WDPCP: variants seen among roughly 807,000 people sequenced by gnomAD.
WDPCP encodes WD repeat-containing and planar cell polarity effector protein fritz homolog.
WDPCP carries 71 observed loss-of-function variants against 93.1 expected under a neutral mutation model. That is an observed-to-expected ratio of 0.76 (90% CI 0.63 to 0.93). WDPCP has a LOEUF of 0.93. WDPCP is among the 40% of genes least tolerant of loss of function. WDPCP has a pLI of 0.00. For missense variants in WDPCP, 844 were observed against 887.4 expected, an observed-to-expected ratio of 0.95 and a Z score of 0.62; for synonymous variants, 315 against 315.0, an observed-to-expected ratio of 1.00 and a Z score of 0.00.
chr2:63,702,712 T>C (rs1392155812), intron 2 of WDPCP, among the ~76,000 whole-genome samples: 2 of 151,912 alleles, frequency 1.3e-5, no homozygotes, highest in Non-Finnish European at 2.9e-5. Context: ...TAATTTTTTT[T>C]TTTTTTTACT....
intron 1 of WDPCP, among the ~76,000 whole-genome samples, chr2:63,517,070 TA>T (rs1702601846): frequency 6.6e-6 from 1 of 152,200 alleles, no homozygotes; most frequent in Non-Finnish European, 1.5e-5. Context: ...CGTCTTCTTC[TA>T]AACTACATCC....
rs200735438 is a variant in WDPCP at position 63,426,040 on chromosome 2, T to A, written c.825+7705A>T. 6.6e-5 allele frequency among the ~76,000 whole-genome samples: 10 copies of A among 152,164 alleles called. No homozygotes were observed. In the East Asian group the frequency reaches 1.9e-3, roughly 30 times the overall value. ...TAGCAACAGACCTCTCAGCAGAAAC[T>A]TAAAAGGCAAAAGAGGAGGCCGGGC... On this transcript the variant is annotated intron_variant, in intron 9 of 17. Transcript: ENST00000272321.
intron 14 of WDPCP, among the ~76,000 whole-genome samples, chr2:63,197,799 C>G (rs1390511902): frequency 2.6e-5 from 4 of 152,170 alleles, no homozygotes; most frequent in Non-Finnish European, 5.9e-5. Context: ...TGCAAGACCT[C>G]CTTTTCTACC....
intron 12 of WDPCP, among the ~76,000 whole-genome samples, chr2:63,333,557 T>C (rs1688135825): frequency 6.6e-6 from 1 of 152,212 alleles, no homozygotes. Flanking sequence ...CAATCCTTTA[T>C]CTTAACCTGA....
At chr2:63,519,970 A>G (rs1702810386) in intron 1 of WDPCP, among the ~76,000 whole-genome samples, 1 of 152,236 alleles carries the variant, frequency 6.6e-6, no homozygotes, top group Non-Finnish European at 1.5e-5. Flanking sequence ...AACCCAATCC[A>G]AGGAGTATTA....
At chr2:63,837,276 G>A in the WDPCP span, among the ~76,000 whole-genome samples, 6 of 152,158 alleles carry the variant, frequency 3.9e-5, no homozygotes, top group African/African-American at 7.2e-5. Flanking sequence ...AGTTAAGCCC[G>A]TTTGGTTACC....
chr2:63,802,803 A>G (rs2104044718), intron 2 of WDPCP, among the ~76,000 whole-genome samples: 1 of 152,336 alleles, frequency 6.6e-6, no homozygotes. Flanking sequence ...AAGAGTTCTG[A>G]AGAATTCTAA....
At chr2:63,628,017 G>C (rs1709827467) in intron 3 of WDPCP, among the ~76,000 whole-genome samples, 1 of 152,142 alleles carries the variant, frequency 6.6e-6, no homozygotes, top group African/African-American at 2.4e-5. Context: ...GGGCTTTAGG[G>C]GTCATGGGTA....
intron 12 of WDPCP, among the ~76,000 whole-genome samples, chr2:63,367,529 C>A (rs1388281225): frequency 6.6e-6 from 1 of 152,038 alleles, no homozygotes; most frequent in Admixed American, 6.6e-5. Flanking sequence ...TATTGCAGCA[C>A]TGTTTATAGT....
chr2:63,535,678 G>A (rs1704220427), intron 1 of WDPCP, among the ~76,000 whole-genome samples: 2 of 152,138 alleles, frequency 1.3e-5, no homozygotes, highest in African/African-American at 4.8e-5. Flanking sequence ...GCTGAAACTG[G>A]ATCCCTTCCT....
intron 12 of WDPCP, among the ~76,000 whole-genome samples, chr2:63,342,717 T>C (rs1221887370): frequency 1.3e-5 from 2 of 152,224 alleles, no homozygotes; most frequent in African/African-American, 2.4e-5. Flanking sequence ...ACATAGGTTT[T>C]AATTATTGTT....
At chr2:63,754,040 A>G (rs1187190403) in intron 2 of WDPCP, among the ~76,000 whole-genome samples, 1 of 152,214 alleles carries the variant, frequency 6.6e-6, no homozygotes, top group Non-Finnish European at 1.5e-5. Context: ...GGTCTTAGGT[A>G]AAGTCTAGTC....
At chr2:63,621,812 T>G (rs950106456) in intron 3 of WDPCP, among the ~76,000 whole-genome samples, 2 of 151,756 alleles carry the variant, frequency 1.3e-5, no homozygotes, top group Non-Finnish European at 2.9e-5. Context: ...CCCATCAGAC[T>G]ACCAGTGGAT....
chr2:63,446,083 C>G (rs1037113120), intron 6 of WDPCP, among the ~76,000 whole-genome samples: 4 of 152,184 alleles, frequency 2.6e-5, no homozygotes, highest in Non-Finnish European at 5.9e-5. Context: ...CCTTAACTCT[C>G]ACTTCTCAGT....
intron 2 of WDPCP, among the ~76,000 whole-genome samples, chr2:63,683,635 G>A (rs1159253453): frequency 6.6e-6 from 1 of 152,132 alleles, no homozygotes; most frequent in Non-Finnish European, 1.5e-5. Flanking sequence ...GGTGGATCAA[G>A]GTCAAGAGAT....
chr2:63,187,348 T>C (rs1455993146), intron 14 of WDPCP, among the ~76,000 whole-genome samples: 2 of 152,210 alleles, frequency 1.3e-5, no homozygotes, highest in East Asian at 1.9e-4. Context: ...AGGGGTTTAA[T>C]TGCCTCACTT....
intron 3 of WDPCP, among the ~76,000 whole-genome samples, chr2:63,634,316 T>A (rs1709899261): frequency 6.6e-6 from 1 of 152,074 alleles, no homozygotes; most frequent in South Asian, 2.1e-4. Flanking sequence ...GGTCAATTCA[T>A]CAAGAGGATA....
At chr2:63,250,406 T>C (rs1054675235) in intron 14 of WDPCP, among the ~76,000 whole-genome samples, 1 of 152,190 alleles carries the variant, frequency 6.6e-6, no homozygotes, top group Non-Finnish European at 1.5e-5. Flanking sequence ...TGGGCTGTGG[T>C]TGACTGCAGG....
At chr2:63,345,916 C>A (rs983507474) in intron 12 of WDPCP, among the ~76,000 whole-genome samples, 2 of 152,160 alleles carry the variant, frequency 1.3e-5, no homozygotes, top group African/African-American at 4.8e-5. Context: ...AATCTCAGCA[C>A]AATCCAGCTG....
Sources: allele counts gnomAD v4.1 joint callset (sites outside exome capture counted in the v4.1 genomes callset), GRCh38; gene constraint gnomAD v4.1.1; transcripts MANE v1.5; gene names NCBI Gene and HGNC (gene_info 2026-07-23, HGNC 2026-07-21).